The following UST variants were observed in gnomAD, a reference collection of about 807,000 sequenced individuals.
The protein encoded by UST is chondroitin sulfate 2-O-sulfotransferase.
UST carries 21 observed loss-of-function variants against 45.6 expected under a neutral mutation model. The ratio of observed to expected loss-of-function variants is 0.46; its 90% CI spans 0.33 to 0.66. UST has a LOEUF of 0.66. Among genes scored for constraint, UST ranks in the 30% least tolerant of loss-of-function variants. The pLI is 0.02. For missense variants in UST, 463 were observed against 512.4 expected, an observed-to-expected ratio of 0.90 and a Z score of 0.93; for synonymous variants, 215 against 200.6, an observed-to-expected ratio of 1.07 and a Z score of -0.61.
At position 148,764,513 on chromosome 6, in the gene UST, C is replaced by T. The variant is rs541901513; in HGVS notation, c.247+16836C>T. ...TCTTGCTATCAGGGGAACCCACCCC[C>T]GATAATTCAACGTGGGTTCTTTTCT... On this transcript the variant is annotated intron_variant, in intron 1 of 7. Coordinates refer to ENST00000367463, the MANE Select transcript of UST (RefSeq NM_005715.3). Among the ~76,000 whole-genome samples, 20 of 152,180 alleles carry T rather than the reference C, an allele frequency of 1.3e-4. No individual in the cohort carries two copies. The South Asian group carries it at 2.3e-3, about 17-fold the overall frequency.
chr6:148,945,524 G>C (rs1446234273), intron 3 of UST, among the ~76,000 whole-genome samples: 2 of 152,174 alleles, frequency 1.3e-5, no homozygotes, highest in African/African-American at 4.8e-5. Flanking sequence ...AAGAAGCTCT[G>C]TCGAAATCAT....
intron 5 of UST, among the ~76,000 whole-genome samples, chr6:148,988,768 A>G (rs1376235758): frequency 3.3e-5 from 5 of 151,952 alleles, no homozygotes; most frequent in Admixed American, 3.3e-4. Context: ...ACCAAATGCC[A>G]ATCCACTCCG....
intron 1 of UST, among the ~76,000 whole-genome samples, chr6:148,863,972 G>A (rs1778372161): frequency 6.6e-6 from 1 of 152,222 alleles, no homozygotes; most frequent in Admixed American, 6.5e-5. Flanking sequence ...TAAGGAGGCA[G>A]TCTGTCTGTT....
At chr6:148,946,391 A>G (rs769688595) in intron 3 of UST, among the ~76,000 whole-genome samples, 1 of 150,844 alleles carries the variant, frequency 6.6e-6, no homozygotes, top group Non-Finnish European at 1.5e-5. Flanking sequence ...CACGCCTGTA[A>G]TCCCAGCTAC....
At chr6:149,052,272 T>C (rs953272866) in intron 7 of UST, among the ~76,000 whole-genome samples, 4 of 152,224 alleles carry the variant, frequency 2.6e-5, no homozygotes, top group Non-Finnish European at 5.9e-5. Flanking sequence ...AGAATACTGA[T>C]GTTTCAAGGG....
intron 5 of UST, among the ~76,000 whole-genome samples, chr6:148,976,539 C>T (rs559219318): frequency 9.8e-5 from 15 of 152,298 alleles, no homozygotes; most frequent in Admixed American, 2.0e-4. Context: ...TCAATTCCTC[C>T]GCCCTTCACC....
intron 2 of UST, among the ~76,000 whole-genome samples, chr6:148,930,195 C>T (rs1779894140): frequency 6.6e-6 from 1 of 152,210 alleles, no homozygotes; most frequent in African/African-American, 2.4e-5. Flanking sequence ...GCGCTTACCA[C>T]ATGGTATCAG....
chr6:148,843,309 G>A (rs909803976), intron 1 of UST, among the ~76,000 whole-genome samples: 4 of 152,172 alleles, frequency 2.6e-5, no homozygotes, highest in Admixed American at 1.3e-4. Context: ...GGTCCTTACT[G>A]TGGAATTGTT....
intron 5 of UST, among the ~76,000 whole-genome samples, chr6:148,969,676 G>C (rs934397412): frequency 1.6e-4 from 25 of 152,092 alleles, no homozygotes; most frequent in African/African-American, 6.0e-4. Context: ...TTTTCCTCCA[G>C]ACCTGGAGCT....
intron 1 of UST, among the ~76,000 whole-genome samples, chr6:148,785,812 A>G (rs1273308589): frequency 1.3e-5 from 2 of 152,200 alleles, no homozygotes; most frequent in African/African-American, 4.8e-5. Flanking sequence ...TGATACCCCA[A>G]ACCATGTATG....
intron 7 of UST, among the ~76,000 whole-genome samples, chr6:149,057,424 A>C (rs1776580375): frequency 6.6e-6 from 1 of 152,198 alleles, no homozygotes; most frequent in Non-Finnish European, 1.5e-5. Flanking sequence ...AATGTCTTAA[A>C]GTTTCAGGAT....
At chr6:148,851,861 C>T (rs777455494) in intron 1 of UST, among the ~76,000 whole-genome samples, 26 of 152,176 alleles carry the variant, frequency 1.7e-4, no homozygotes, top group Admixed American at 5.9e-4. Context: ...GGGCAAGTGC[C>T]GAAACAGAAG....
chr6:149,072,838 T>C (rs981421705), intron 7 of UST, among the ~76,000 whole-genome samples: 4 of 152,012 alleles, frequency 2.6e-5, no homozygotes, highest in Admixed American at 2.6e-4. Flanking sequence ...ATCTAATCGA[T>C]GGGGTAAGTA....
chr6:149,036,194 G>A (rs888706821), intron 7 of UST, among the ~76,000 whole-genome samples: 1 of 152,196 alleles, frequency 6.6e-6, no homozygotes, highest in African/African-American at 2.4e-5. Context: ...GAGGGAACTG[G>A]GGTCCCAGCT....
At chr6:148,946,183 G>T (rs1430829063) in intron 3 of UST, among the ~76,000 whole-genome samples, 2 of 152,146 alleles carry the variant, frequency 1.3e-5, no homozygotes, top group Non-Finnish European at 2.9e-5. Flanking sequence ...AGGCTACAGG[G>T]ATCCCTAAGG....
chr6:148,906,698 G>GTC (rs1779369242), intron 2 of UST, among the ~76,000 whole-genome samples: 1 of 151,714 alleles, frequency 6.6e-6, no homozygotes, highest in Non-Finnish European at 1.5e-5. Flanking sequence ...TACTAACTGT[G>GTC]ATTTGGGACA....
At chr6:148,858,371 G>A (rs1433265009) in intron 1 of UST, among the ~76,000 whole-genome samples, 2 of 152,172 alleles carry the variant, frequency 1.3e-5, no homozygotes, top group African/African-American at 4.8e-5. Flanking sequence ...TTCAGCATGG[G>A]AGAAAGATGG....
chr6:148,955,620 A>G (rs1443176765), intron 4 of UST: 1 of 152,248 alleles, frequency 6.6e-6, no homozygotes, highest in African/African-American at 2.4e-5. Context: ...AGAAGGCCAC[A>G]TGCATATTAT....
intron 1 of UST, among the ~76,000 whole-genome samples, chr6:148,793,967 G>A (rs780016893): frequency 6.6e-5 from 10 of 152,096 alleles, no homozygotes; most frequent in Middle Eastern, 3.2e-3. Flanking sequence ...TAACATCAGC[G>A]CATATTTCTG....
Sources: gnomAD v4.1 joint callset for allele counts (sites outside exome capture counted in the v4.1 genomes callset) on GRCh38, gnomAD v4.1.1 for gene constraint, MANE v1.5 for transcripts, NCBI Gene and HGNC (gene_info 2026-07-23, HGNC 2026-07-21) for gene names.